IQSEC1: variants seen among roughly 807,000 people sequenced by gnomAD.
IQSEC1 encodes the protein IQ motif and Sec7 domain ArfGEF 1.
A neutral mutation model predicts 91.0 loss-of-function variants in IQSEC1; 31 were observed. That is an observed-to-expected ratio of 0.34 (90% CI 0.26 to 0.46). The LOEUF is 0.46. IQSEC1 is among the 20% of genes least tolerant of loss of function. The pLI, the probability that IQSEC1 is intolerant of heterozygous loss-of-function variation, is 1.00. For synonymous variants in IQSEC1, 699 were observed against 662.6 expected (o/e 1.05, Z -0.84); for missense variants, 1,388 against 1,575.6 (o/e 0.88, Z 2.02).
chr3:13,094,982 T>C (rs1306829852), intron 2 of IQSEC1, among the ~76,000 whole-genome samples: 1 of 151,932 alleles, frequency 6.6e-6, no homozygotes, highest in African/African-American at 2.4e-5. Context: ...GTGGCTGCGG[T>C]TTTGTTCGGT....
chr3:12,975,308 C>G (rs532091422), intron 1 of IQSEC1, among the ~76,000 whole-genome samples: 2 of 152,328 alleles, frequency 1.3e-5, no homozygotes, highest in African/African-American at 4.8e-5. Context: ...TACGGAGGCT[C>G]CATGTTCTGG....
At position 12,901,058 on chromosome 3, in the gene IQSEC1, G is replaced by T; in HGVS notation, c.3270C>A (p.His1090Gln). Residue 1090 changes from histidine to glutamine, a missense_variant, in exon 14 of 14, where the codon CAC becomes CAA. His to Gln is a conservative substitution (Grantham distance 24). Transcript: ENST00000613206. ...PSAHVGHTVH[H>Q]HGQPPAPPPP... ...GCGGCGGGGCAGGGGGCTGCCCATG[G>T]TGGTGCACTGTGTGCCCCACGTGGG... is the stretch of plus-strand genomic sequence containing the variant. 1 of 1,542,148 alleles carries T rather than the reference G, an allele frequency of 6.5e-7. No homozygotes were observed. Among genetic ancestry groups the T allele is most frequent in the Non-Finnish European group, 8.7e-7 (1 of 1,146,168 alleles).
At chr3:13,087,503 C>T (rs1011319227) in intron 2 of IQSEC1, among the ~76,000 whole-genome samples, 1 of 152,018 alleles carries the variant, frequency 6.6e-6, no homozygotes, top group Non-Finnish European at 1.5e-5. Context: ...GGGAGGAGAC[C>T]GTGAATCAAT....
intron 1 of IQSEC1, among the ~76,000 whole-genome samples, chr3:13,038,743 C>G (rs1704141754): frequency 6.6e-6 from 1 of 152,128 alleles, no homozygotes; most frequent in Admixed American, 6.5e-5. Context: ...ACACAGGACT[C>G]TCACCCACTG....
At chr3:13,028,257 C>A (rs1703696601) in intron 1 of IQSEC1, among the ~76,000 whole-genome samples, 1 of 152,336 alleles carries the variant, frequency 6.6e-6, no homozygotes, top group South Asian at 2.1e-4. Context: ...GATCCCTCTG[C>A]CCTTATTTTG....
In IQSEC1 at chr3:12,922,268, A is replaced by G. The variant is rs1696700540; in HGVS notation, c.1731-26T>C. The G allele has an allele frequency of 1.9e-6, 3 of 1,548,662 alleles. No homozygotes were observed. Among genetic ancestry groups the G allele is most frequent in the Non-Finnish European group, 2.6e-6 (3 of 1,137,072 alleles). ...CTGGAATAGAGACAGACAGCCCCGC[A>G]TAAGCACCCCTTGCAGGTGCGACAC... On this transcript the variant is annotated intron_variant, in intron 4 of 13. Transcript: ENST00000613206. This position sits in a 1 kb window ranked among gnomAD's most constrained non-coding sequence, Gnocchi z 5.1.
At chr3:13,226,131 G>A (rs538179129) in intron 1 of IQSEC1, among the ~76,000 whole-genome samples, 1 of 152,060 alleles carries the variant, frequency 6.6e-6, no homozygotes, top group Admixed American at 6.6e-5. Context: ...CACCCGCCTC[G>A]GCCTCCCAAA....
At chr3:13,227,127 G>A (rs1243361547) in intron 1 of IQSEC1, among the ~76,000 whole-genome samples, 6 of 151,900 alleles carry the variant, frequency 3.9e-5, no homozygotes, top group African/African-American at 1.4e-4. Flanking sequence ...TGTAATCCCA[G>A]CACTTTGGAA....
chr3:13,176,476 G>A (rs1416479782), intron 1 of IQSEC1, among the ~76,000 whole-genome samples: 2 of 152,176 alleles, frequency 1.3e-5, no homozygotes, highest in Non-Finnish European at 2.9e-5. Context: ...TTTTGTGACA[G>A]CACAGAAAAC....
rs1188035490 is a variant in IQSEC1, at chr3:12,967,434, G to A, written c.24-25569C>T. The stretch of plus-strand genomic sequence containing the variant: ...GAAGGGACTGGGTCCTCTCCGAGTT[G>A]CAGTGCAGGCACCACATGGCGGCCG... On this transcript the variant is annotated intron_variant, in intron 1 of 13. Transcript: ENST00000613206. This position sits in a 1 kb window ranked among gnomAD's most constrained non-coding sequence, Gnocchi z 5.9. The A allele has an allele frequency of 1.3e-6, 2 of 1,533,374 alleles. No homozygotes were observed. The highest frequency in any genetic ancestry group is 3.9e-5 in the Admixed American group (2 of 50,664). 95.0% of individuals were successfully genotyped at this position (1,533,374 alleles called of 1,614,324 possible). A position where few individuals can be genotyped will look rare whatever the true frequency, so the allele number is the denominator to read the frequency against.
At chr3:13,165,576 GTGTGTC>G (rs1693477030) in intron 1 of IQSEC1, among the ~76,000 whole-genome samples, 2 of 141,818 alleles carry the variant, frequency 1.4e-5, no homozygotes, top group Admixed American at 7.1e-5. Flanking sequence ...GTGTGTGTGT[GTGTGTC>G]TGTCTGTCTT....
intron 2 of IQSEC1, among the ~76,000 whole-genome samples, chr3:13,098,364 C>T (rs1705999873): frequency 1.3e-5 from 2 of 152,280 alleles, no homozygotes; most frequent in South Asian, 4.1e-4. Flanking sequence ...GAAGGTACCA[C>T]AGAGGAGGCG....
chr3:13,107,079 C>A (rs540080621), intron 2 of IQSEC1, among the ~76,000 whole-genome samples: 2 of 152,298 alleles, frequency 1.3e-5, no homozygotes, highest in African/African-American at 4.8e-5. Flanking sequence ...GAACCCTGGC[C>A]GTATCTCATG....
At chr3:13,023,948 T>A (rs1044167838) in intron 1 of IQSEC1, among the ~76,000 whole-genome samples, 2 of 152,160 alleles carry the variant, frequency 1.3e-5, no homozygotes, top group African/African-American at 4.8e-5. Context: ...CTCACTACCT[T>A]TCAAGGCTCC....
intron 1 of IQSEC1, among the ~76,000 whole-genome samples, chr3:13,014,945 G>A (rs1231000064): frequency 6.6e-6 from 1 of 152,094 alleles, no homozygotes; most frequent in Non-Finnish European, 1.5e-5. Context: ...AGCGAGCCTG[G>A]GGCAGGGAAG....
chr3:12,979,443 G>C lies in IQSEC1; in HGVS notation c.24-37578C>G, dbSNP rs575318112. 6.6e-6 allele frequency among the ~76,000 whole-genome samples: 1 copy of C among 152,250 alleles called. No individual in the cohort carries two copies. The highest frequency in any genetic ancestry group is 2.1e-4 in the South Asian group (1 of 4,822). ...ACAAGACATAGTGCTACATGAAAAAGGTAAGCTGAAGAATGCTGGATTTGG... is the reference window on the plus strand; with the variant it reads ...ACAAGACATAGTGCTACATGAAAAACGTAAGCTGAAGAATGCTGGATTTGG... On this transcript the variant is annotated intron_variant, in intron 1 of 13. Coordinates refer to ENST00000613206, the MANE Select transcript of IQSEC1 (RefSeq NM_001134382.3). This position sits in a 1 kb window ranked among gnomAD's most constrained non-coding sequence, Gnocchi z 4.3.
At chr3:13,015,603 T>C (rs1371740225) in intron 1 of IQSEC1, 18 of 984,834 alleles carry the variant, frequency 1.8e-5, no homozygotes, top group Non-Finnish European at 2.0e-5. Flanking sequence ...GGGGCGGAGG[T>C]GTCCCTGGAA....
intron 2 of IQSEC1, among the ~76,000 whole-genome samples, chr3:13,117,927 A>AAAT (rs1446999402): frequency 6.6e-6 from 1 of 152,178 alleles, no homozygotes; most frequent in Non-Finnish European, 1.5e-5. Flanking sequence ...AGGTATTTGC[A>AAAT]AATCACATAT....
intron 1 of IQSEC1, among the ~76,000 whole-genome samples, chr3:13,170,598 C>T (rs1380924919): frequency 6.6e-6 from 1 of 152,230 alleles, no homozygotes; most frequent in African/African-American, 2.4e-5. Flanking sequence ...GACGGAGCTT[C>T]CAGAGCGCCA....
Sources: gnomAD v4.1 joint callset for allele counts (sites outside exome capture counted in the v4.1 genomes callset) on GRCh38, gnomAD v4.1.1 for gene constraint, Gnocchi (gnomAD v3.1) non-coding constraint, MANE v1.5 for transcripts, NCBI Gene and HGNC (gene_info 2026-07-23, HGNC 2026-07-21) for gene names.